MAP2K3: variants seen among roughly 807,000 people sequenced by gnomAD.
MAP2K3 encodes the protein dual specificity mitogen-activated protein kinase kinase 3.
In MAP2K3, 30 loss-of-function variants were observed where a neutral mutation model predicts 46.4. The observed-to-expected ratio is 0.65, with a 90% CI of 0.48 to 0.88. MAP2K3 has a LOEUF of 0.88. Among genes scored for constraint, MAP2K3 ranks in the 40% least tolerant of loss-of-function variants. The pLI, the probability that MAP2K3 is intolerant of heterozygous loss-of-function variation, is 0.00. For synonymous variants in MAP2K3, 189 were observed against 176.3 expected, an observed-to-expected ratio of 1.07 and a Z score of -0.57; for missense variants, 380 against 464.5, an observed-to-expected ratio of 0.82 and a Z score of 1.67.
intron 1 of MAP2K3, among the ~76,000 whole-genome samples, chr17:21,289,139 C>G (rs1975809449): frequency 6.6e-6 from 1 of 152,200 alleles, no homozygotes; most frequent in Non-Finnish European, 1.5e-5. Context: ...CTGTAGGGTC[C>G]TTTCACGCAG....
chr17:21,304,004 G>T (rs1368815755), intron 7 of MAP2K3, among the ~76,000 whole-genome samples: 1 of 152,216 alleles, frequency 6.6e-6, no homozygotes, highest in African/African-American at 2.4e-5. Flanking sequence ...ATGCTGGTCT[G>T]TGGGGACTCC....
At position 21,300,362 on chromosome 17, in the gene MAP2K3, C is replaced by T. The variant is rs928596251; in HGVS notation, c.166-183C>T. On this transcript the variant is annotated intron_variant, in intron 3 of 11. Coordinates refer to ENST00000342679, the MANE Select transcript of MAP2K3 (RefSeq NM_145109.3). ...ACTGTGCCTGTTTTATAGAGGGCAT[C>T]GTGAGGCTCAGAGAGGTTAAGTGAC... 9.2e-6 allele frequency: 6 copies of T among 654,088 alleles called. No individual in the cohort carries two copies. In the East Asian group the frequency reaches 1.1e-4, roughly 12 times the overall value. The allele number at this position is 654,088 out of a possible 1,614,324, so 40.5% of individuals were successfully genotyped here.
chr17:21,288,113 G>C (rs1231755211), intron 1 of MAP2K3: 1 of 1,288,354 alleles, frequency 7.8e-7, no homozygotes, highest in Admixed American at 2.3e-5. Flanking sequence ...GGCACTGGGT[G>C]CTGACTCACC....
chr17:21,289,416 G>T (rs193266983), intron 1 of MAP2K3, among the ~76,000 whole-genome samples: 1 of 152,242 alleles, frequency 6.6e-6, no homozygotes, highest in Admixed American at 6.5e-5. Context: ...TGGTTCTAGG[G>T]GCTCAGTCCT....
At chr17:21,301,963 T>TGGAGGGTGGGGGAAGTGGCAGAGC (rs1976625683) in intron 5 of MAP2K3, among the ~76,000 whole-genome samples, 180 bp from the exon 6 acceptor site, 1 of 152,306 alleles carries the variant, frequency 6.6e-6, no homozygotes, top group African/African-American at 2.4e-5. Context: ...GCAGGCAGAG[T>TGGAGGGTGGGGGAAGTGGCAGAGC]TGGAGGGTGG....
intron 1 of MAP2K3, among the ~76,000 whole-genome samples, chr17:21,288,337 G>T (rs1371658715): frequency 6.6e-6 from 1 of 152,248 alleles, no homozygotes; most frequent in Non-Finnish European, 1.5e-5. Context: ...AAGGGGCTCT[G>T]CTTCCTCTTG....
Position 21,284,910 on chromosome 17 carries a change from C to T in MAP2K3, c.-11C>T. 2.5e-6 allele frequency: 4 copies of T among 1,612,148 alleles called. No homozygotes were observed. The South Asian group carries it at 4.4e-5, about 18-fold the overall frequency. Reference sequence around the variant, plus strand: ...ATTAGTCTCCACCGCCGTCCAGGACCCACTTGCAGCATGGAGTCGCCCGCC... The same window carrying T: ...ATTAGTCTCCACCGCCGTCCAGGACTCACTTGCAGCATGGAGTCGCCCGCC... On this transcript the variant is annotated 5_prime_UTR_variant, in exon 1 of 12. Transcript: ENST00000342679.
At chr17:21,299,297 G>T (rs1376243626) in intron 3 of MAP2K3, among the ~76,000 whole-genome samples, 2 of 152,308 alleles carry the variant, frequency 1.3e-5, no homozygotes, top group Non-Finnish European at 2.9e-5. Flanking sequence ...TGGGCAACCT[G>T]CATTTTATGC....
intron 9 of MAP2K3, among the ~76,000 whole-genome samples, chr17:21,309,507 C>T (rs549954887): frequency 1.4e-4 from 21 of 152,172 alleles, no homozygotes; most frequent in African/African-American, 3.6e-4. Flanking sequence ...CCTCTTACCC[C>T]GTTTCAGTGC....
intron 1 of MAP2K3, among the ~76,000 whole-genome samples, chr17:21,286,767 C>A (rs1251126264): frequency 1.3e-5 from 2 of 152,158 alleles, no homozygotes; most frequent in Admixed American, 6.5e-5. Context: ...AGTGAGAATG[C>A]TGTGAGAGGG....
chr17:21,311,364 G>C (rs1393622402), intron 9 of MAP2K3, among the ~76,000 whole-genome samples: 1 of 152,008 alleles, frequency 6.6e-6, no homozygotes, highest in Non-Finnish European at 1.5e-5. Context: ...AAGCTAGCTA[G>C]TCCGTCCCTT....
chr17:21,302,635 T>A (rs1374853639), intron 6 of MAP2K3, among the ~76,000 whole-genome samples: 2 of 152,312 alleles, frequency 1.3e-5, no homozygotes, highest in African/African-American at 4.8e-5. Flanking sequence ...GGGGAAAGGT[T>A]AGCATCCAAA....
chr17:21,304,736 T>G (rs1976799564), intron 8 of MAP2K3, among the ~76,000 whole-genome samples, 183 bp downstream of exon 8: 1 of 152,310 alleles, frequency 6.6e-6, no homozygotes, highest in Admixed American at 6.5e-5. Context: ...ACCCCGTTGT[T>G]AACTGACCCC....
chr17:21,293,293 C>T (rs1246742405), intron 1 of MAP2K3, among the ~76,000 whole-genome samples: 1 of 152,308 alleles, frequency 6.6e-6, no homozygotes, highest in African/African-American at 2.4e-5. Flanking sequence ...AGCCACTCTG[C>T]CCGGGGTCCT....
At chr17:21,292,363 C>T (rs1048487398) in intron 1 of MAP2K3, among the ~76,000 whole-genome samples, 27 of 152,412 alleles carry the variant, frequency 1.8e-4, no homozygotes, top group Non-Finnish European at 3.2e-4. Flanking sequence ...CTGCACACTC[C>T]AGCATTTTCT....
intron 1 of MAP2K3, among the ~76,000 whole-genome samples, chr17:21,293,645 G>A (rs1390528487): frequency 6.6e-6 from 1 of 152,312 alleles, no homozygotes; most frequent in African/African-American, 2.4e-5. Context: ...AGGCCCTGGA[G>A]GCCAGGCCCT....
intron 1 of MAP2K3, chr17:21,291,320 A>ATACAATACAATAGAG: frequency 6.6e-6 from 1 of 150,380 alleles, no homozygotes; most frequent in East Asian, 1.8e-4. Flanking sequence ...ATACAATAGA[A>ATACAATACAATAGAG]TACAATAGAA....
At chr17:21,307,374 G>C (rs1976941923) in intron 9 of MAP2K3, among the ~76,000 whole-genome samples, 3 of 152,288 alleles carry the variant, frequency 2.0e-5, no homozygotes, top group African/African-American at 7.2e-5. Context: ...GAGAAGACTG[G>C]AGCAGGTAGG....
At chr17:21,296,874 G>T (rs1976282616) in intron 1 of MAP2K3, among the ~76,000 whole-genome samples, 1 of 152,306 alleles carries the variant, frequency 6.6e-6, no homozygotes, top group Non-Finnish European at 1.5e-5. Context: ...GCAGTTAGCA[G>T]GCAGGCACCC....
Sources: gnomAD v4.1 joint callset for allele counts (sites outside exome capture counted in the v4.1 genomes callset) on GRCh38, gnomAD v4.1.1 for gene constraint, MANE v1.5 for transcripts, NCBI Gene and HGNC (gene_info 2026-07-23, HGNC 2026-07-21) for gene names.